The following TYW1B variants were observed in gnomAD, a reference collection of about 807,000 sequenced individuals.
TYW1B encodes tRNA-yW synthesizing protein 1 homolog B, also known as S-adenosyl-L-methionine-dependent tRNA 4-demethylwyosine synthase TYW1B.
Under a neutral mutation model 86.9 loss-of-function variants are expected in TYW1B, and 73 were observed. The ratio of observed to expected loss-of-function variants is 0.84; its 90% CI spans 0.70 to 1.02. The LOEUF is 1.02. Among genes scored for constraint, TYW1B ranks in the 50% least tolerant of loss-of-function variants. The pLI is 0.00. For synonymous variants in TYW1B, 248 were observed against 292.8 expected (o/e 0.85, Z 1.56); for missense variants, 637 against 827.4 (o/e 0.77, Z 2.82).
At chr7:72,755,288 G>A (rs181400005) in intron 7 of TYW1B, among the ~76,000 whole-genome samples, 112 of 152,194 alleles carry the variant, frequency 7.4e-4, no homozygotes, top group African/African-American at 2.6e-3. Context: ...ACATCGTGGT[G>A]CGCACCTATA....
intron 9 of TYW1B, among the ~76,000 whole-genome samples, chr7:72,728,148 T>G (rs1171467997): frequency 6.6e-6 from 1 of 152,166 alleles, no homozygotes; most frequent in Non-Finnish European, 1.5e-5. Context: ...CTAACATTAT[T>G]TAAGACTTTC....
At chr7:72,723,276 A>C (rs1360425692) in intron 9 of TYW1B, among the ~76,000 whole-genome samples, 1 of 152,204 alleles carries the variant, frequency 6.6e-6, no homozygotes, top group Non-Finnish European at 1.5e-5. Context: ...GGATTTAAAA[A>C]ATAATAATAA....
intron 5 of TYW1B, among the ~76,000 whole-genome samples, chr7:72,805,341 A>G (rs1470716681): frequency 1.3e-5 from 2 of 149,728 alleles, no homozygotes; most frequent in African/African-American, 2.5e-5. Flanking sequence ...GGCCAGGCAC[A>G]GTTGCTCATG....
In TYW1B at chr7:72,817,646, A is replaced by G. The variant is rs542777058; in HGVS notation, c.136-2165T>C. ...CAGGTTCTTCACATGTTGAACAAAG[A>G]ATTGAAAAAAATGCACAAGTGAAGC... On this transcript the variant is annotated intron_variant, in intron 2 of 13. Coordinates refer to ENST00000620995, the MANE Select transcript of TYW1B (RefSeq NM_001145440.3). Among the ~76,000 whole-genome samples, 5 of 152,240 alleles carry G rather than the reference A, an allele frequency of 3.3e-5. No individual in the cohort carries two copies. The South Asian group carries it at 1.0e-3, about 32-fold the overall frequency.
rs573009941 is a variant in TYW1B at position 72,602,820 on chromosome 7, A to G, written c.1785+13852T>C. Reference sequence around the variant, plus strand: ...CCTGGAGAATCTTGTAGTGCCAGAAAGAAAGTGCTCAAAACACACACACAC... The same window carrying G: ...CCTGGAGAATCTTGTAGTGCCAGAAGGAAAGTGCTCAAAACACACACACAC... On this transcript the variant is annotated intron_variant, in intron 13 of 13. Coordinates refer to ENST00000620995, the MANE Select transcript of TYW1B (RefSeq NM_001145440.3). Among the ~76,000 whole-genome samples, 16 of 146,738 alleles carry G rather than the reference A, an allele frequency of 1.1e-4. No individual in the cohort carries two copies. In the South Asian group the frequency reaches 3.5e-3, roughly 33 times the overall value.
chr7:72,607,266 G>A (rs1418133462), intron 13 of TYW1B, among the ~76,000 whole-genome samples: 18 of 151,722 alleles, frequency 1.2e-4, no homozygotes, highest in Admixed American at 2.0e-4. Flanking sequence ...GGTGGTACAC[G>A]CCTGTAATCC....
intron 10 of TYW1B, among the ~76,000 whole-genome samples, chr7:72,707,661 T>G (rs1554453923): frequency 6.6e-6 from 1 of 152,214 alleles, no homozygotes; most frequent in Non-Finnish European, 1.5e-5. Flanking sequence ...GGTGTTTGCT[T>G]CTACACAGCA....
chr7:72,755,643 G>A (rs1650567942), intron 7 of TYW1B, among the ~76,000 whole-genome samples: 1 of 152,188 alleles, frequency 6.6e-6, no homozygotes, highest in Non-Finnish European at 1.5e-5. Flanking sequence ...CGGCCTGGGC[G>A]ACAGAGTGAG....
intron 13 of TYW1B, among the ~76,000 whole-genome samples, chr7:72,612,124 C>A (rs11760229): frequency 7.9e-5 from 12 of 151,994 alleles, no homozygotes; most frequent in Non-Finnish European, 5.9e-5. Flanking sequence ...AAATATGTTA[C>A]TTTTAATCTT....
At chr7:72,650,064 T>A (rs1554442573) in intron 11 of TYW1B, among the ~76,000 whole-genome samples, 1 of 133,204 alleles carries the variant, frequency 7.5e-6, no homozygotes, top group Non-Finnish European at 1.5e-5. Context: ...CAATTTTTTT[T>A]GTTGGTTTTT....
chr7:72,821,948 T>C (rs1262382692), intron 2 of TYW1B, among the ~76,000 whole-genome samples: 1 of 151,628 alleles, frequency 6.6e-6, no homozygotes, highest in East Asian at 1.9e-4. Flanking sequence ...CAGTTAAGAT[T>C]AGAAACAGAA....
intron 13 of TYW1B, among the ~76,000 whole-genome samples, chr7:72,606,205 A>T (rs1554434817): frequency 6.6e-6 from 1 of 152,220 alleles, no homozygotes; most frequent in African/African-American, 2.4e-5. Flanking sequence ...GATAAAAAAA[A>T]AAAGAGTCCC....
At chr7:72,723,247 TA>T (rs575504269) in intron 9 of TYW1B, among the ~76,000 whole-genome samples, 1 of 151,990 alleles carries the variant, frequency 6.6e-6, no homozygotes, top group African/African-American at 2.4e-5. Context: ...GGTTATTTGT[TA>T]AAAAAAGAGT....
intron 11 of TYW1B, among the ~76,000 whole-genome samples, chr7:72,659,678 T>C (rs113582795): frequency 0.96 from 145,441 of 152,290 alleles, 69,512 homozygotes; most frequent in East Asian, 1. Context: ...AACCGGGTGG[T>C]GGGGTGAGGG....
intron 11 of TYW1B, among the ~76,000 whole-genome samples, chr7:72,639,834 C>A (rs1244317830): frequency 1.3e-5 from 2 of 149,598 alleles, no homozygotes; most frequent in African/African-American, 5.0e-5. Context: ...CCGCTGTACT[C>A]CAGCCTGGGC....
At chr7:72,771,712 A>AT (rs60247630) in intron 7 of TYW1B, among the ~76,000 whole-genome samples, 102,315 of 149,108 alleles carry the variant, frequency 0.69, 35,826 homozygotes, top group Non-Finnish European at 0.77. Context: ...ATTTAGCAAA[A>AT]TTTTTTTTTT....
chr7:72,656,931 C>T (rs1410484648), intron 11 of TYW1B, among the ~76,000 whole-genome samples: 3 of 152,190 alleles, frequency 2.0e-5, no homozygotes, highest in African/African-American at 4.8e-5. Flanking sequence ...TAAACACCTT[C>T]CACCAGGCCC....
intron 8 of TYW1B, among the ~76,000 whole-genome samples, chr7:72,731,657 A>G (rs1778231551): frequency 6.6e-6 from 1 of 152,290 alleles, no homozygotes; most frequent in East Asian, 1.9e-4. Flanking sequence ...ACCAAAACCA[A>G]AAGCAGCTGG....
intron 8 of TYW1B, among the ~76,000 whole-genome samples, chr7:72,736,715 A>G (rs530810263): frequency 6.6e-5 from 10 of 152,190 alleles, no homozygotes; most frequent in Admixed American, 1.3e-4. Flanking sequence ...CAGAAATGCA[A>G]TCTTACTATA....
Sources: allele counts gnomAD v4.1 joint callset (sites outside exome capture counted in the v4.1 genomes callset), GRCh38; gene constraint gnomAD v4.1.1; transcripts MANE v1.5; gene names NCBI Gene and HGNC (gene_info 2026-07-23, HGNC 2026-07-21).